Variants in ERO1A observed in about 807,000 individuals in gnomAD.
ERO1A encodes ERO1-like protein alpha.
Under a neutral mutation model 76.9 loss-of-function variants are expected in ERO1A, and 49 were observed. That is an observed-to-expected ratio of 0.64 (90% CI 0.51 to 0.81). The LOEUF is 0.81. ERO1A is among the 30% of genes least tolerant of loss of function. The pLI is 0.00. For missense variants in ERO1A, 448 were observed against 542.1 expected, an observed-to-expected ratio of 0.83 and a Z score of 1.72; for synonymous variants, 174 against 181.2, an observed-to-expected ratio of 0.96 and a Z score of 0.32.
intron 3 of ERO1A, among the ~76,000 whole-genome samples, chr14:52,678,875 C>G (rs916226349): frequency 2.6e-5 from 4 of 152,110 alleles, no homozygotes; most frequent in African/African-American, 9.7e-5. Context: ...ATTCTAGATT[C>G]TTGGAACCTA....
chr14:52,651,647 TA>T (rs1269478302), intron 13 of ERO1A, among the ~76,000 whole-genome samples: 14 of 152,182 alleles, frequency 9.2e-5, no homozygotes, highest in Non-Finnish European at 1.5e-5. Flanking sequence ...CTGTTAAGTA[TA>T]TATACATGTG....
intron 11 of ERO1A, among the ~76,000 whole-genome samples, chr14:52,654,348 G>A (rs1223820227): frequency 6.6e-6 from 1 of 151,932 alleles, no homozygotes; most frequent in Non-Finnish European, 1.5e-5. Context: ...CCAAAATTGT[G>A]TATTACATTT....
In ERO1A at chr14:52,663,843, G is replaced by T; in HGVS notation, c.634C>A (p.Gln212Lys). Reference sequence around the variant, plus strand: ...GGATTTAAAGGTCTTTTAATTGTCTGTGGCCTAGAAGTAAAAAGAATTAAA... The same window carrying T: ...GGATTTAAAGGTCTTTTAATTGTCTTTGGCCTAGAAGTAAAAAGAATTAAA... Reference protein sequence around the residue: ...VIYEENCFKPQTIKRPLNPLA... With the variant: ...VIYEENCFKPKTIKRPLNPLA... Residue 212 changes from glutamine to lysine, a missense_variant, in exon 8 of 16, where the codon CAG becomes AAG. Physicochemically the swap from Gln to Lys is moderately conservative, Grantham distance 53. Coordinates refer to ENST00000395686, the MANE Select transcript of ERO1A (RefSeq NM_014584.3). 1 of 1,551,972 alleles carries T rather than the reference G, an allele frequency of 6.4e-7. No homozygotes were observed. The highest frequency in any genetic ancestry group is 8.9e-7 in the Non-Finnish European group (1 of 1,128,284).
intron 1 of ERO1A, among the ~76,000 whole-genome samples, chr14:52,684,630 T>C (rs1977232): frequency 0.31 from 46,740 of 151,936 alleles, 7,557 homozygotes; most frequent in South Asian, 0.46. Context: ...TTAGAAACCA[T>C]TTATCATTAG....
chr14:52,647,030 G>A (rs1346020865), intron 13 of ERO1A: 3 of 136,866 alleles, frequency 2.2e-5, no homozygotes, highest in South Asian at 4.7e-4. Context: ...AAGCTGGAGT[G>A]CAGTGGGGGA....
At chr14:52,684,315 G>A (rs2041106252) in intron 1 of ERO1A, among the ~76,000 whole-genome samples, 1 of 152,116 alleles carries the variant, frequency 6.6e-6, no homozygotes, top group South Asian at 2.1e-4. Context: ...GGCTAGACCA[G>A]TAAAACAAAT....
rs34369320 is a variant in ERO1A at position 52,656,711 on chromosome 14, C to CA, written c.808+1205dup. On this transcript the variant is annotated intron_variant, in intron 11 of 15. Coordinates refer to ENST00000395686, the MANE Select transcript of ERO1A (RefSeq NM_014584.3). ...TGGGTGACAGAACAAGACTCTGTCTCAAAAAAAAAAAAAAAAAAACAGTAA... is the reference window on the plus strand; with the variant it reads ...TGGGTGACAGAACAAGACTCTGTCTCAAAAAAAAAAAAAAAAAAAACAGTAA... Among the ~76,000 whole-genome samples the CA allele has an allele frequency of 8.2e-3, 851 of 103,494 alleles. 8 individuals are homozygous for CA. The highest frequency in any genetic ancestry group is 0.024 in the African/African-American group (619 of 25,494). 67.9% of individuals were successfully genotyped at this position (103,494 alleles called of 152,430 possible). A position where few individuals can be genotyped will look rare whatever the true frequency, so the allele number is the denominator to read the frequency against.
At chr14:52,678,657 A>C (rs1297409086) in intron 3 of ERO1A, among the ~76,000 whole-genome samples, 185 bp from the exon 4 acceptor site, 2 of 152,256 alleles carry the variant, frequency 1.3e-5, no homozygotes, top group Non-Finnish European at 2.9e-5. Context: ...AAATTATTCT[A>C]TGGATTGCTG....
chr14:52,682,264 C>T, intron 3 of ERO1A, 61 bp downstream of exon 3: 1 of 1,321,512 alleles, frequency 7.6e-7, no homozygotes, highest in Non-Finnish European at 1.1e-6. Flanking sequence ...TAAAACAAAA[C>T]AAAAAGTTAT....
intron 6 of ERO1A, among the ~76,000 whole-genome samples, chr14:52,670,047 T>C (rs935882746): frequency 6.6e-6 from 1 of 152,158 alleles, no homozygotes; most frequent in African/African-American, 2.4e-5. Flanking sequence ...CCCGAGTAGC[T>C]GGGACTACTG....
rs1443652406 is a variant in ERO1A, at chr14:52,640,664, A to T, written c.*2906T>A. ...AGTACTGTAGGTATTTATTAATAAT[A>T]GCAATGAAGATGAAAGAGTGATGTA... On this transcript the variant is annotated 3_prime_UTR_variant, in exon 16 of 16. Transcript: ENST00000395686. 6.6e-6 allele frequency: 1 copy of T among 152,220 alleles called. No homozygotes were observed. Among genetic ancestry groups the T allele is most frequent in the African/African-American group, 2.4e-5 (1 of 41,460 alleles). The allele number at this position is 152,220 out of a possible 1,614,324, so 9.4% of individuals were successfully genotyped here. A position where few individuals can be genotyped will look rare whatever the true frequency, so the allele number is the denominator to read the frequency against.
chr14:52,665,664 C>T (rs1005240022), intron 7 of ERO1A, among the ~76,000 whole-genome samples: 3 of 152,156 alleles, frequency 2.0e-5, no homozygotes, highest in African/African-American at 7.2e-5. Context: ...TTTAGCACCT[C>T]AAGACTTACG....
At chr14:52,659,033 T>C (rs2040144314) in intron 9 of ERO1A, among the ~76,000 whole-genome samples, 1 of 152,096 alleles carries the variant, frequency 6.6e-6, no homozygotes, top group African/African-American at 2.4e-5. Flanking sequence ...AACTGGAATA[T>C]ATAAAAACTC....
At position 52,666,284 on chromosome 14, in the gene ERO1A, T is replaced by G. The variant is rs1362328842; in HGVS notation, c.629+91A>C. 5 of 952,344 alleles carry G rather than the reference T, an allele frequency of 5.3e-6. No homozygotes were observed. The Admixed American group carries it at 8.1e-5, about 15-fold the overall frequency. The allele number at this position is 952,344 out of a possible 1,614,324, so 59.0% of individuals were successfully genotyped here. On this transcript the variant is annotated intron_variant, in intron 7 of 15. Coordinates refer to ENST00000395686, the MANE Select transcript of ERO1A (RefSeq NM_014584.3). The stretch of plus-strand genomic sequence containing the variant: ...AAACACATCTTTTAACAAAGTGAAT[T>G]TGATTTTTAATTTTAAATCATTATG...
At chr14:52,694,639 G>GT (rs990746989) in intron 1 of ERO1A, among the ~76,000 whole-genome samples, 2 of 152,002 alleles carry the variant, frequency 1.3e-5, no homozygotes, top group African/African-American at 2.4e-5. Context: ...ATGGAAAACT[G>GT]TAAGTTTCTC....
In ERO1A at chr14:52,640,067, A is replaced by G. The variant is rs1220042416; in HGVS notation, c.*3503T>C. 2 of 152,236 alleles carry G rather than the reference A, an allele frequency of 1.3e-5. No homozygotes were observed. The highest frequency in any genetic ancestry group is 2.4e-5 in the African/African-American group (1 of 41,452). The allele number at this position is 152,236 out of a possible 1,614,324, so 9.4% of individuals were successfully genotyped here. On this transcript the variant is annotated 3_prime_UTR_variant, in exon 16 of 16. Transcript: ENST00000395686. ...ATGTCACTTTAAAATCAATTTATTC[A>G]ACAAACATTTATTAAACATTCATAT...
rs549275996 is a variant in ERO1A at position 52,661,623 on chromosome 14, C to T, written c.677-319G>A. Reference sequence around the variant, plus strand: ...AGAGTACTCTTCAATATCTTAAGGACCTACGTTTACTTGGCTGACAGAGAC... The same window carrying T: ...AGAGTACTCTTCAATATCTTAAGGATCTACGTTTACTTGGCTGACAGAGAC... On this transcript the variant is annotated intron_variant, in intron 8 of 15. Coordinates refer to ENST00000395686, the MANE Select transcript of ERO1A (RefSeq NM_014584.3). Among the ~76,000 whole-genome samples, 3 of 152,214 alleles carry T rather than the reference C, an allele frequency of 2.0e-5. No individual in the cohort carries two copies. In the East Asian group the frequency reaches 5.8e-4, roughly 29 times the overall value.
rs369212913 is a variant in ERO1A, at chr14:52,653,116, C to A, written c.1008G>T (p.Gln336His). ...GAAGTAACATTTTGTTTTCCTCATC[C>A]TGAATTTTATTTCCAGTAAAGAGTT... Reference protein sequence around the residue: ...DFQLFTGNKIQDEENKMLLLE... With the variant: ...DFQLFTGNKIHDEENKMLLLE... Residue 336 changes from glutamine to histidine, a missense_variant, in exon 12 of 16, where the codon CAG (glutamine) becomes CAT (histidine). Gln to His is a conservative substitution (Grantham distance 24, BLOSUM62 0). Coordinates refer to ENST00000395686, the MANE Select transcript of ERO1A (RefSeq NM_014584.3). 1.0e-5 allele frequency: 16 copies of A among 1,599,036 alleles called. 1 individual carries two copies. The East Asian group carries it at 1.3e-4, about 13-fold the overall frequency.
chr14:52,666,831 T>C (rs868159932), intron 6 of ERO1A, among the ~76,000 whole-genome samples: 1 of 152,124 alleles, frequency 6.6e-6, no homozygotes, highest in African/African-American at 2.4e-5. Flanking sequence ...CTCGAGAGGC[T>C]GCAACAGGAG....
Sources: allele counts gnomAD v4.1 joint callset (sites outside exome capture counted in the v4.1 genomes callset), GRCh38; gene constraint gnomAD v4.1.1; transcripts MANE v1.5; gene names NCBI Gene and HGNC (gene_info 2026-07-23, HGNC 2026-07-21).